The following DGKD variants were observed in gnomAD, a reference collection of about 807,000 sequenced individuals.
The protein encoded by DGKD is diacylglycerol kinase delta.
Under a neutral mutation model 154.4 loss-of-function variants are expected in DGKD, and 68 were observed. The observed-to-expected ratio is 0.44, with a 90% CI of 0.36 to 0.54. The LOEUF is 0.54. Ranked by LOEUF, DGKD falls within the 20% of genes least tolerant of loss-of-function variation. The pLI, the probability that DGKD is intolerant of heterozygous loss-of-function variation, is 0.00. For synonymous variants in DGKD, 693 were observed against 638.0 expected, an observed-to-expected ratio of 1.09 and a Z score of -1.30; for missense variants, 1,343 against 1,593.6, an observed-to-expected ratio of 0.84 and a Z score of 2.68.
chr2:233,453,550 C>T (rs1029493547), intron 18 of DGKD, among the ~76,000 whole-genome samples: 7 of 152,228 alleles, frequency 4.6e-5, no homozygotes, highest in Admixed American at 1.3e-4. Flanking sequence ...TCAGATCTGG[C>T]GGCACTGGCT....
chr2:233,410,614 TG>T (rs1292438051), intron 3 of DGKD, among the ~76,000 whole-genome samples: 3 of 152,238 alleles, frequency 2.0e-5, no homozygotes, highest in Non-Finnish European at 4.4e-5. Context: ...TTTCCTGGCT[TG>T]GATGATAAGC....
At chr2:233,430,521 T>C (rs567668818) in intron 3 of DGKD, among the ~76,000 whole-genome samples, 3 of 152,318 alleles carry the variant, frequency 2.0e-5, no homozygotes, top group South Asian at 2.1e-4. Context: ...CATGTTTGCA[T>C]GTATCTTAAA....
chr2:233,354,572 G>T lies in DGKD; in HGVS notation c.54G>T (p.Pro18=), dbSNP rs1409358532. 1.9e-6 allele frequency: 2 copies of T among 1,075,616 alleles called. No individual in the cohort carries two copies. Among genetic ancestry groups the T allele is most frequent in the African/African-American group, 3.4e-5 (2 of 58,084 alleles). The allele number at this position is 1,075,616 out of a possible 1,614,324, so 66.6% of individuals were successfully genotyped here. A position where few individuals can be genotyped will look rare whatever the true frequency, so the allele number is the denominator to read the frequency against. The stretch of plus-strand genomic sequence containing the variant: ...CGGGTCCCCCGCAACCGCCTCCGCC[G>T]CCGCCGCCCGAGGAGTCGTCCGACA... ...PPPGPPQPPP[P]PPPEESSDSE... Residue 18 remains proline (P), a synonymous_variant, in exon 1 of 30, where the codon CCG becomes CCT. Coordinates refer to ENST00000264057, the MANE Select transcript of DGKD (RefSeq NM_152879.3). This position sits in a 1 kb window ranked among gnomAD's most constrained non-coding sequence, Gnocchi z 4.8.
At chr2:233,416,729 T>G (rs1285167890) in intron 3 of DGKD, among the ~76,000 whole-genome samples, 2 of 152,190 alleles carry the variant, frequency 1.3e-5, no homozygotes, top group Non-Finnish European at 2.9e-5. Context: ...ACCAGGGACC[T>G]TTGGTTTGCC....
intron 3 of DGKD, among the ~76,000 whole-genome samples, chr2:233,409,432 A>G (rs1223211408): frequency 6.6e-6 from 1 of 151,658 alleles, no homozygotes; most frequent in Non-Finnish European, 1.5e-5. Flanking sequence ...TAGGCAGTGA[A>G]TACTTTTTAG....
intron 3 of DGKD, among the ~76,000 whole-genome samples, chr2:233,401,966 C>T (rs909699685): frequency 6.1e-5 from 9 of 147,732 alleles, no homozygotes; most frequent in South Asian, 2.2e-4. Context: ...TATAAACCAT[C>T]GAGGGGCCCC....
intron 5 of DGKD, among the ~76,000 whole-genome samples, chr2:233,435,216 C>T (rs144758014): frequency 4.1e-4 from 63 of 152,246 alleles, no homozygotes; most frequent in African/African-American, 1.1e-3. Context: ...ACTCTGCAGC[C>T]GGGGAAACGG....
At chr2:233,468,296 T>G (rs908169041) in intron 28 of DGKD, 127 bp from the exon 29 acceptor site, 17 of 1,184,050 alleles carry the variant, frequency 1.4e-5, no homozygotes, top group Non-Finnish European at 2.0e-5. Flanking sequence ...CTGGGCTGTC[T>G]CGGGTGCTGG....
chr2:233,462,486 G>T (rs2063678986), intron 25 of DGKD, 27 bp downstream of exon 25: 4 of 1,581,938 alleles, frequency 2.5e-6, no homozygotes, highest in Middle Eastern at 1.7e-4. Context: ...TTTCAGTCCT[G>T]GCTTCTTCTC....
At chr2:233,395,586 TCCTCCCCTCCCCTCCTCTCCTTTCC>T (rs1183458611) in intron 3 of DGKD, among the ~76,000 whole-genome samples, 2 of 150,762 alleles carry the variant, frequency 1.3e-5, no homozygotes, top group African/African-American at 4.9e-5. Context: ...TTCTTTTTTC[TCCTCCCCTCCCCTCCTCTCCTTTCC>T]CCTCCCCTCC....
chr2:233,369,846 A>G (rs1702223177), intron 1 of DGKD, among the ~76,000 whole-genome samples: 1 of 151,442 alleles, frequency 6.6e-6, no homozygotes, highest in Admixed American at 6.6e-5. Flanking sequence ...CCTGCTGCCC[A>G]CTCTGCTGGC....
At chr2:233,378,358 G>T (rs1702698648) in intron 1 of DGKD, among the ~76,000 whole-genome samples, 1 of 151,152 alleles carries the variant, frequency 6.6e-6, no homozygotes, top group Admixed American at 6.6e-5. Flanking sequence ...GTTGCAGTGA[G>T]CCGAGATTGT....
intron 27 of DGKD, among the ~76,000 whole-genome samples, chr2:233,466,302 C>G (rs1206070315): frequency 6.6e-6 from 1 of 151,562 alleles, no homozygotes; most frequent in East Asian, 1.9e-4. Context: ...TTGTAGATGT[C>G]TCAGTTTATC....
chr2:233,390,862 T>C (rs980770815), intron 3 of DGKD, among the ~76,000 whole-genome samples: 1 of 152,138 alleles, frequency 6.6e-6, no homozygotes, highest in African/African-American at 2.4e-5. Context: ...GCCTCCCGAG[T>C]AGCTGGGATT....
chr2:233,381,021 C>A (rs1447890047), intron 1 of DGKD, among the ~76,000 whole-genome samples: 1 of 152,138 alleles, frequency 6.6e-6, no homozygotes, highest in Non-Finnish European at 1.5e-5. Context: ...GGATGACTGT[C>A]CTTTTTCCAT....
intron 1 of DGKD, among the ~76,000 whole-genome samples, chr2:233,369,460 T>C (rs1702202725): frequency 1.3e-5 from 2 of 152,244 alleles, no homozygotes; most frequent in African/African-American, 4.8e-5. Context: ...TTTAACTTTT[T>C]AAATAAAGGC....
At chr2:233,405,918 C>T (rs1413384459) in intron 3 of DGKD, among the ~76,000 whole-genome samples, 4 of 152,210 alleles carry the variant, frequency 2.6e-5, no homozygotes, top group Non-Finnish European at 4.4e-5. Context: ...TTAGGTTTAG[C>T]TACTGTATTA....
At chr2:233,407,168 C>T (rs888576989) in intron 3 of DGKD, among the ~76,000 whole-genome samples, 1 of 152,214 alleles carries the variant, frequency 6.6e-6, no homozygotes, top group Non-Finnish European at 1.5e-5. Flanking sequence ...TCTCCACCAC[C>T]AGTCATCTCT....
In DGKD at chr2:233,464,248, T is replaced by C; in HGVS notation, c.3271T>C (p.Trp1091Arg). ...RQLRRLADTP[W>R]LCQSAEPGDE... ...GCTCAGGAGGCTGGCAGACACCCCG[T>C]GGCTCTGCCAGTCCGCAGAGCCCGG... The change falls in exon 27 of 30, where the codon TGG becomes CGG. Residue 1091 changes from tryptophan (W) to arginine (R), a missense_variant. Trp to Arg is a moderately radical substitution (Grantham distance 101, BLOSUM62 -3). Around this residue, in one of 6 missense-constraint regions of DGKD, gnomAD observed 429 missense variants for 496.3 expected, o/e 0.86. Transcript: ENST00000264057. 6.2e-7 allele frequency: 1 copy of C among 1,613,592 alleles called. No homozygotes were observed. The highest frequency in any genetic ancestry group is 2.2e-5 in the East Asian group (1 of 44,870).
Sources: gnomAD v4.1 joint callset for allele counts (sites outside exome capture counted in the v4.1 genomes callset) on GRCh38, gnomAD v4.1.1 for gene constraint, gnomAD v4.1.1 regional missense constraint, Gnocchi (gnomAD v3.1) non-coding constraint, MANE v1.5 for transcripts, NCBI Gene and HGNC (gene_info 2026-07-23, HGNC 2026-07-21) for gene names.